The following UBN2 variants were observed in gnomAD, a reference collection of about 807,000 sequenced individuals.
UBN2 encodes ubinuclein-2.
In UBN2, 35 loss-of-function variants were observed where a neutral mutation model predicts 120.2. The ratio of observed to expected loss-of-function variants is 0.29; its 90% CI spans 0.22 to 0.39. The LOEUF (loss-of-function observed/expected upper bound fraction) is 0.39, where lower values mean the gene tolerates loss of function less well. UBN2 is among the 10% of genes least tolerant of loss of function. UBN2 has a pLI of 1.00. For synonymous variants in UBN2, 661 were observed against 648.7 expected, an observed-to-expected ratio of 1.02 and a Z score of -0.29; for missense variants, 1,693 against 1,663.2, an observed-to-expected ratio of 1.02 and a Z score of -0.31.
intron 6 of UBN2, among the ~76,000 whole-genome samples, chr7:139,265,615 G>A (rs1326803447): frequency 1.3e-5 from 2 of 152,152 alleles, no homozygotes; most frequent in East Asian, 1.9e-4. Context: ...TCTTGAGATG[G>A]GGTTGTTATC....
At chr7:139,234,800 C>T (rs1796119545) in intron 1 of UBN2, among the ~76,000 whole-genome samples, 1 of 152,150 alleles carries the variant, frequency 6.6e-6, no homozygotes. Context: ...GTTAATGTAA[C>T]TATACTATTT....
intron 3 of UBN2, among the ~76,000 whole-genome samples, chr7:139,258,135 T>C (rs1796818880): frequency 6.6e-6 from 1 of 152,234 alleles, no homozygotes; most frequent in South Asian, 2.1e-4. Flanking sequence ...ATCTGGACAC[T>C]TGGTCATCTT....
intron 2 of UBN2, among the ~76,000 whole-genome samples, chr7:139,246,236 G>A (rs1205425962): frequency 2.6e-5 from 4 of 152,054 alleles, no homozygotes; most frequent in Admixed American, 6.6e-5. Flanking sequence ...GTGGTAGTGC[G>A]CACCTGCAGT....
In UBN2 at chr7:139,258,489, A is replaced by G; in HGVS notation, c.665A>G (p.Tyr222Cys). 1 of 1,583,354 alleles carries G rather than the reference A, an allele frequency of 6.3e-7. No homozygotes were observed. ...AAACTTTTTTGTTTTTTAATCTAGT[A>G]TGATGAATTAGTTCCCGCTTCTCTA... ...TDPFIDNSEA[Y>C]DELVPASLTT... Residue 222 changes from tyrosine (Y) to cysteine (C), a missense_variant and splice_region_variant, in exon 4 of 18, where the codon TAT (tyrosine) becomes TGT (cysteine). Tyr to Cys is a radical substitution (Grantham distance 194, BLOSUM62 -2). Around this residue, in one of 5 missense-constraint regions of UBN2, gnomAD observed 663 missense variants for 591.2 expected, o/e 1.12. Coordinates refer to ENST00000473989, the MANE Select transcript of UBN2 (RefSeq NM_173569.4).
intron 3 of UBN2, among the ~76,000 whole-genome samples, chr7:139,254,829 G>C (rs2130966470): frequency 6.6e-6 from 1 of 152,312 alleles, no homozygotes; most frequent in South Asian, 2.1e-4. Flanking sequence ...AAACTGAGCA[G>C]AAAGTACAGA....
intron 15 of UBN2, among the ~76,000 whole-genome samples, chr7:139,288,572 C>G (rs1358074799): frequency 6.6e-6 from 1 of 152,090 alleles, no homozygotes; most frequent in Non-Finnish European, 1.5e-5. Context: ...ATTTTATTCT[C>G]TGTGCAGTGG....
At position 139,276,117 on chromosome 7, in the gene UBN2, G is replaced by A. The variant is rs1252227756; in HGVS notation, c.1994G>A (p.Arg665Gln). 14 of 1,613,100 alleles carry A rather than the reference G, an allele frequency of 8.7e-6. No individual in the cohort carries two copies. The highest frequency in any genetic ancestry group is 2.7e-5 in the African/African-American group (2 of 74,872). The change falls in exon 12 of 18, where the codon CGG (arginine) becomes CAG (glutamine). Residue 665 changes from arginine (R) to glutamine (Q), a missense_variant. This residue lies in a region of UBN2 where 837 missense variants were observed against 817.6 expected (regional missense o/e 1.02). Coordinates refer to ENST00000473989, the MANE Select transcript of UBN2 (RefSeq NM_173569.4). ...MQARMLFKES[R>Q]SVHNHLTSAP... ...TCCAGAATGCTTTTTAAGGAAAGCC[G>A]GAGTGTTCATAATCATCTTACTTCT... is the stretch of plus-strand genomic sequence containing the variant.
the UBN2 span, among the ~76,000 whole-genome samples, chr7:139,329,584 GT>G: frequency 6.6e-6 from 1 of 152,128 alleles, no homozygotes; most frequent in African/African-American, 2.4e-5. Flanking sequence ...AGAGAAGGTT[GT>G]TCCATTCTAA....
chr7:139,323,790 A>C, the UBN2 span, among the ~76,000 whole-genome samples: 1 of 151,844 alleles, frequency 6.6e-6, no homozygotes, highest in South Asian at 2.1e-4. Context: ...GGGTTTCACC[A>C]TGTTGGCCAG....
the UBN2 span, among the ~76,000 whole-genome samples, chr7:139,322,760 G>A: frequency 7.5e-3 from 1,139 of 151,672 alleles, 10 homozygotes; most frequent in South Asian, 0.012. Flanking sequence ...TCTCAGTCTC[G>A]ATCTCCTGAC....
chr7:139,240,452 A>ATTTTT (rs1401337500), intron 2 of UBN2, among the ~76,000 whole-genome samples: 9 of 57,666 alleles, frequency 1.6e-4, no homozygotes, highest in African/African-American at 3.2e-4. Flanking sequence ...ATATATATAT[A>ATTTTT]TATTTTTTTT....
rs978171370 is a variant in UBN2 at position 139,304,479 on chromosome 7, T to C, written c.*6643T>C. The stretch of plus-strand genomic sequence containing the variant: ...AATAATAGCAACAGGAAAAGAAAAA[T>C]GGATGCTGCAGTTTTAGTTGGGGCT... On this transcript the variant is annotated 3_prime_UTR_variant, in exon 18 of 18. Coordinates refer to ENST00000473989, the MANE Select transcript of UBN2 (RefSeq NM_173569.4). 3.3e-5 allele frequency: 5 copies of C among 152,088 alleles called. No homozygotes were observed. Among genetic ancestry groups the C allele is most frequent in the African/African-American group, 1.2e-4 (5 of 41,390 alleles). The allele number at this position is 152,088 out of a possible 1,614,324, so 9.4% of individuals were successfully genotyped here.
chr7:139,247,501 G>A (rs1377696350), intron 2 of UBN2, among the ~76,000 whole-genome samples: 5 of 152,104 alleles, frequency 3.3e-5, no homozygotes, highest in South Asian at 2.1e-4. Flanking sequence ...TTGGAGTTAG[G>A]CAGTCATGAG....
In UBN2 at chr7:139,284,570, T is replaced by C; in HGVS notation, c.3665T>C (p.Val1222Ala). 6.2e-7 allele frequency: 1 copy of C among 1,608,076 alleles called. No individual in the cohort carries two copies. Among genetic ancestry groups the C allele is most frequent in the Non-Finnish European group, 8.5e-7 (1 of 1,177,606 alleles). The change falls in exon 15 of 18, where the codon GTG (valine) becomes GCG (alanine). Residue 1222 changes from valine to alanine, a missense_variant. Val to Ala is a moderately conservative substitution (Grantham distance 64, BLOSUM62 0). Around this residue, in one of 5 missense-constraint regions of UBN2, gnomAD observed 837 missense variants for 817.6 expected, o/e 1.02. Transcript: ENST00000473989. ...ASGSSVVTAS[V>A]QSTAGASLLA... ...GGGTCTTCAGTGGTAACAGCCAGTGTGCAGGTATGTATGTTCTGTACGTCC... is the reference window on the plus strand; with the variant it reads ...GGGTCTTCAGTGGTAACAGCCAGTGCGCAGGTATGTATGTTCTGTACGTCC...
At chr7:139,245,097 C>CTTTTTTT (rs537219130) in intron 2 of UBN2, among the ~76,000 whole-genome samples, 4 of 100,322 alleles carry the variant, frequency 4.0e-5, no homozygotes, top group African/African-American at 1.4e-4. Context: ...CCATGCCCAG[C>CTTTTTTT]TTTTTTTTTT....
Position 139,283,654 on chromosome 7 carries a change from G to A in UBN2, c.2749G>A (p.Ala917Thr). ...TTCTCATGCTCTGGGAACATCCGAG[G>A]CCCAAGATGCTTCTTCGTTAACACA... ...ASSHALGTSE[A>T]QDASSLTQVT... Residue 917 changes from alanine (A) to threonine (T), a missense_variant, in exon 15 of 18, where the codon GCC becomes ACC. By Grantham distance (58) the Ala-to-Thr change is moderately conservative (BLOSUM62 0). Coordinates refer to ENST00000473989, the MANE Select transcript of UBN2 (RefSeq NM_173569.4). 6.2e-7 allele frequency: 1 copy of A among 1,614,082 alleles called. No homozygotes were observed. Among genetic ancestry groups the A allele is most frequent in the Non-Finnish European group, 8.5e-7 (1 of 1,180,016 alleles).
At chr7:139,240,043 G>A (rs905991426) in intron 2 of UBN2, among the ~76,000 whole-genome samples, 1 of 152,186 alleles carries the variant, frequency 6.6e-6, no homozygotes, top group African/African-American at 2.4e-5. Context: ...TCAGCGTTCT[G>A]AAGAAGTTGT....
At chr7:139,270,850 C>T (rs555128965) in intron 8 of UBN2, among the ~76,000 whole-genome samples, 4 of 152,110 alleles carry the variant, frequency 2.6e-5, no homozygotes, top group African/African-American at 9.6e-5. Context: ...GTTCAAGTGA[C>T]TATCCTGCCT....
chr7:139,296,350 A>G (rs1460769855), intron 17 of UBN2, among the ~76,000 whole-genome samples: 1 of 152,238 alleles, frequency 6.6e-6, no homozygotes, highest in Non-Finnish European at 1.5e-5. Flanking sequence ...ATGACTGTAA[A>G]TAAAACTTCA....
Sources: allele counts gnomAD v4.1 joint callset (sites outside exome capture counted in the v4.1 genomes callset), GRCh38; gene constraint gnomAD v4.1.1; regional missense constraint gnomAD v4.1.1; transcripts MANE v1.5; gene names NCBI Gene and HGNC (gene_info 2026-07-23, HGNC 2026-07-21).